Variants in SLC30A5 observed in about 807,000 individuals in gnomAD.
The protein encoded by SLC30A5 is proton-coupled zinc antiporter SLC30A5.
In SLC30A5, 33 loss-of-function variants were observed where a neutral mutation model predicts 79.6. That is an observed-to-expected ratio of 0.41 (90% CI 0.31 to 0.55). The LOEUF is 0.55. Among genes scored for constraint, SLC30A5 ranks in the 20% least tolerant of loss-of-function variants. The pLI, the probability that SLC30A5 is intolerant of heterozygous loss-of-function variation, is 0.20. For missense variants in SLC30A5, 788 were observed against 928.1 expected (o/e 0.85, Z 1.96); for synonymous variants, 299 against 319.7 (o/e 0.94, Z 0.69).
At chr5:69,094,408 G>A in intron 1 of SLC30A5, 70 bp downstream of exon 1, 2 of 1,237,800 alleles carry the variant, frequency 1.6e-6, no homozygotes, top group East Asian at 3.2e-5. Flanking sequence ...GCCTCCCTCC[G>A]GTCTCCGCTG....
Position 69,116,312 on chromosome 5 carries a change from C to T in SLC30A5, c.1073-82C>T. The T allele has an allele frequency of 6.7e-7, 1 of 1,489,294 alleles. No individual in the cohort carries two copies. Among genetic ancestry groups the T allele is most frequent in the South Asian group, 1.4e-5 (1 of 73,922 alleles). 92.3% of individuals were successfully genotyped at this position (1,489,294 alleles called of 1,614,324 possible). A position where few individuals can be genotyped will look rare whatever the true frequency, so the allele number is the denominator to read the frequency against. Reference sequence around the variant, plus strand: ...ATTTTGGGAAATTCTTCAGTGCTTGCATTTAGTGCCGACAGTTACTGTGTT... The same window carrying T: ...ATTTTGGGAAATTCTTCAGTGCTTGTATTTAGTGCCGACAGTTACTGTGTT... On this transcript the variant is annotated intron_variant, in intron 9 of 15. Coordinates refer to ENST00000396591, the MANE Select transcript of SLC30A5 (RefSeq NM_022902.5). This position sits in a 1 kb window ranked among gnomAD's most constrained non-coding sequence, Gnocchi z 4.0.
rs1251338832 is a variant in SLC30A5, at chr5:69,108,375, ATAT to A, written c.388_390del (p.Ile130del). 1 of 1,613,710 alleles carries A rather than the reference ATAT, an allele frequency of 6.2e-7. No homozygotes were observed. The highest frequency in any genetic ancestry group is 8.5e-7 in the Non-Finnish European group (1 of 1,179,714). On this transcript the variant is annotated inframe_deletion, in exon 5 of 16. Coordinates refer to ENST00000396591, the MANE Select transcript of SLC30A5 (RefSeq NM_022902.5). ...ACTTTGCTGCTATTTGAGCACAGTG[ATAT>A]TGTTGTCATTTCACTACTCAGTGTT...
At chr5:69,124,630 G>C (rs1343624425) in intron 14 of SLC30A5, among the ~76,000 whole-genome samples, 1 of 152,098 alleles carries the variant, frequency 6.6e-6, no homozygotes, top group East Asian at 1.9e-4. Flanking sequence ...GGCTGGAGTG[G>C]AGGGGCGCAA....
chr5:69,129,447 G>T lies in SLC30A5; in HGVS notation c.2128G>T (p.Val710Phe). 6.2e-7 allele frequency: 1 copy of T among 1,609,036 alleles called. No homozygotes were observed. The highest frequency in any genetic ancestry group is 1.1e-5 in the South Asian group (1 of 90,574). Residue 710 changes from valine to phenylalanine, a missense_variant and splice_region_variant, in exon 16 of 16, where the codon GTT becomes TTT. Val to Phe is a conservative substitution (Grantham distance 50). Around this residue, in one of 3 missense-constraint regions of SLC30A5, gnomAD observed 158 missense variants for 156.2 expected, o/e 1.01. Coordinates refer to ENST00000396591, the MANE Select transcript of SLC30A5 (RefSeq NM_022902.5). ...DVLEQRIVQQVTGILKDAGVN... is the reference protein window; with the variant it reads ...DVLEQRIVQQFTGILKDAGVN... ...CAAAATATCTGGATTTTTATAACAG[G>T]TTACAGGAATACTTAAAGATGCTGG...
intron 15 of SLC30A5, among the ~76,000 whole-genome samples, chr5:69,128,412 C>T (rs545727133): frequency 6.6e-5 from 10 of 151,868 alleles, no homozygotes; most frequent in East Asian, 5.8e-4. Flanking sequence ...TCACCATGCC[C>T]GCCTATTTTT....
rs534138269 is a variant in SLC30A5 at position 69,094,488 on chromosome 5, C to A, written c.83+150C>A. On this transcript the variant is annotated intron_variant, in intron 1 of 15. Transcript: ENST00000396591. The stretch of plus-strand genomic sequence containing the variant: ...TGCCTCCCTGCGCGCAGGCTGCCTC[C>A]GGGCTCCCCGGGCTCTTCGGGTGCC... 7 of 819,036 alleles carry A rather than the reference C, an allele frequency of 8.5e-6. No homozygotes were observed. In the South Asian group the frequency reaches 3.8e-4, roughly 45 times the overall value. 50.7% of individuals were successfully genotyped at this position (819,036 alleles called of 1,614,324 possible). A position where few individuals can be genotyped will look rare whatever the true frequency, so the allele number is the denominator to read the frequency against.
Position 69,094,018 on chromosome 5 carries a change from CTA to C in SLC30A5, c.-237_-236del. The C allele has an allele frequency of 2.6e-6, 1 of 387,116 alleles. No individual in the cohort carries two copies. The highest frequency in any genetic ancestry group is 3.6e-5 in the East Asian group (1 of 27,452). 24.0% of individuals were successfully genotyped at this position (387,116 alleles called of 1,614,324 possible). ...CTGATGACGTGGCTTGGCAACGTCC[CTA>C]CCGCCGCTGCTTCCCGGGAACCTGG... On this transcript the variant is annotated 5_prime_UTR_variant, in exon 1 of 16. Transcript: ENST00000396591.
At chr5:69,128,400 C>T (rs1323700506) in intron 15 of SLC30A5, among the ~76,000 whole-genome samples, 3 of 151,760 alleles carry the variant, frequency 2.0e-5, no homozygotes, top group Non-Finnish European at 2.9e-5. Flanking sequence ...TATAGGCACC[C>T]GTCACCATGC....
At chr5:69,101,253 A>C (rs1329031867) in intron 2 of SLC30A5, among the ~76,000 whole-genome samples, 1 of 151,848 alleles carries the variant, frequency 6.6e-6, no homozygotes, top group Non-Finnish European at 1.5e-5. Flanking sequence ...TGTGAACATT[A>C]ATTTATTCTA....
intron 11 of SLC30A5, 186 bp from the exon 12 acceptor site, chr5:69,118,313 A>G (rs796269443): frequency 0.013 from 1,500 of 118,726 alleles, 55 homozygotes; most frequent in Middle Eastern, 0.022. Context: ...ATATATGTGT[A>G]TATATATATA....
chr5:69,117,612 C>T (rs1746406101), intron 11 of SLC30A5, among the ~76,000 whole-genome samples: 1 of 152,220 alleles, frequency 6.6e-6, no homozygotes, highest in African/African-American at 2.4e-5. Context: ...CACAGTGGCT[C>T]ACGCCTGTAA....
rs1746750297 is a variant in SLC30A5, at chr5:69,128,069, T to A, written c.2064T>A (p.Ile688=). The change falls in exon 15 of 16, where the codon ATT becomes ATA. Residue 688 remains isoleucine, a synonymous_variant. Coordinates refer to ENST00000396591, the MANE Select transcript of SLC30A5 (RefSeq NM_022902.5). ...ATTTTTGGCGTCATTCTGCTAGTAT[T>A]GTGGCAGGAACAATTCATATACAGG... ...DPHFWRHSAS[I]VAGTIHIQVT... 2 of 1,612,030 alleles carry A rather than the reference T, an allele frequency of 1.2e-6. No homozygotes were observed. Among genetic ancestry groups the A allele is most frequent in the African/African-American group, 1.3e-5 (1 of 74,864 alleles).
intron 12 of SLC30A5, among the ~76,000 whole-genome samples, chr5:69,120,017 C>CAAAAA (rs35168466): frequency 1.6e-5 from 1 of 64,206 alleles, no homozygotes; most frequent in Non-Finnish European, 2.8e-5. Flanking sequence ...GACTCTGCCT[C>CAAAAA]AAAAAAAAAA....
Position 69,115,356 on chromosome 5 carries a change from T to C in SLC30A5, c.732T>C (p.Val244=). 1 of 1,614,078 alleles carries C rather than the reference T, an allele frequency of 6.2e-7. No individual in the cohort carries two copies. The highest frequency in any genetic ancestry group is 8.5e-7 in the Non-Finnish European group (1 of 1,179,982). Residue 244 remains valine (V), a synonymous_variant, in exon 8 of 16, where the codon GTT becomes GTC. Transcript: ENST00000396591. ...GTCTTCAAGCTTTATCTCATCTTGT[T>C]TCTGTGCTTCTCTTGTGCCCATGGG... The part of the protein sequence containing the change: ...AKRLQALSHL[V]SVLLLCPWVI...
rs557169303 is a variant in SLC30A5 at position 69,126,533 on chromosome 5, C to T, written c.1999-1471C>T. On this transcript the variant is annotated intron_variant, in intron 14 of 15. Coordinates refer to ENST00000396591, the MANE Select transcript of SLC30A5 (RefSeq NM_022902.5). Reference sequence around the variant, plus strand: ...ATCCCAGAACTTTGGGAGGCCGAGGCGGGCGGATCACAAGGTCAGGAGTTT... The same window carrying T: ...ATCCCAGAACTTTGGGAGGCCGAGGTGGGCGGATCACAAGGTCAGGAGTTT... 4.9e-3 allele frequency among the ~76,000 whole-genome samples: 752 copies of T among 152,132 alleles called. 2 individuals carry two copies. Among genetic ancestry groups the T allele is most frequent in the Non-Finnish European group, 6.8e-3 (464 of 67,976 alleles).
Position 69,116,224 on chromosome 5 carries a change from C to A in SLC30A5, c.1072+10C>A, listed in dbSNP as rs17330153. ...ATATTCTTCATTTTGTGTAAGCATT[C>A]CCCCCTTTTTTTTATTTTAACAAAT... On this transcript the variant is annotated intron_variant, in intron 9 of 15. Coordinates refer to ENST00000396591, the MANE Select transcript of SLC30A5 (RefSeq NM_022902.5). The surrounding 1 kb of genome is among the most constrained non-coding windows in gnomAD (Gnocchi z 4.0). 3 of 1,064,710 alleles carry A rather than the reference C, an allele frequency of 2.8e-6. No homozygotes were observed. Among genetic ancestry groups the A allele is most frequent in the Non-Finnish European group, 3.8e-6 (3 of 786,116 alleles). 66.0% of individuals were successfully genotyped at this position (1,064,710 alleles called of 1,614,324 possible).
chr5:69,114,584 C>T (rs1372620552), intron 7 of SLC30A5, 88 bp downstream of exon 7: 5 of 895,844 alleles, frequency 5.6e-6, no homozygotes, highest in Non-Finnish European at 1.8e-6. Context: ...AATAAATTAT[C>T]AGCTGGGCCC....
chr5:69,123,492 G>A, intron 14 of SLC30A5, 67 bp downstream of exon 14: 1 of 1,206,026 alleles, frequency 8.3e-7, no homozygotes, highest in Non-Finnish European at 1.2e-6. Flanking sequence ...TTTGCTGGAA[G>A]TAAAACAGAC....
Position 69,123,340 on chromosome 5 carries a change from T to C in SLC30A5, c.1913T>C (p.Val638Ala). 1 of 1,613,742 alleles carries C rather than the reference T, an allele frequency of 6.2e-7. No individual in the cohort carries two copies. The highest frequency in any genetic ancestry group is 8.5e-7 in the Non-Finnish European group (1 of 1,179,650). Residue 638 changes from valine (V) to alanine (A), a missense_variant, in exon 14 of 16, where the codon GTT becomes GCT. Transcript: ENST00000396591. The stretch of plus-strand genomic sequence containing the variant: ...GCTATATTAATATTTCTCAGTGTTG[T>C]TCCACTGATTAAAGATGCCTGCCAG... ...FIAILIFLSV[V>A]PLIKDACQVL...
Sources: gnomAD v4.1 joint callset for allele counts (sites outside exome capture counted in the v4.1 genomes callset) on GRCh38, gnomAD v4.1.1 for gene constraint, gnomAD v4.1.1 regional missense constraint, Gnocchi (gnomAD v3.1) non-coding constraint, MANE v1.5 for transcripts, NCBI Gene and HGNC (gene_info 2026-07-23, HGNC 2026-07-21) for gene names.